DDX19A: variants seen among roughly 807,000 people sequenced by gnomAD.
DDX19A encodes ATP-dependent RNA helicase DDX19A.
A neutral mutation model predicts 60.6 loss-of-function variants in DDX19A; 12 were observed. That is an observed-to-expected ratio of 0.20 (90% CI 0.13 to 0.32). DDX19A has a LOEUF of 0.32. Among genes scored for constraint, DDX19A ranks in the 10% least tolerant of loss-of-function variants. DDX19A has a pLI of 1.00. For synonymous variants in DDX19A, 206 were observed against 218.2 expected, an observed-to-expected ratio of 0.94 and a Z score of 0.49; for missense variants, 337 against 600.6, an observed-to-expected ratio of 0.56 and a Z score of 4.59.
chr16:70,357,366 GTTTTTTTTTTTTTTTTTTTTTTTTTTT>G (rs71151183), intron 4 of DDX19A, among the ~76,000 whole-genome samples: 2 of 44,580 alleles, frequency 4.5e-5, no homozygotes, highest in South Asian at 2.0e-3. Flanking sequence ...TTTTTGGTTT[GTTTTTTTTTTTTTTTTTTTTTTTTTTT>G]TTTTTTTTTG....
chr16:70,351,529 A>T (rs1395349516), intron 2 of DDX19A, among the ~76,000 whole-genome samples: 1 of 149,792 alleles, frequency 6.7e-6, no homozygotes, highest in African/African-American at 2.5e-5. Context: ...TTATTTATTT[A>T]TTTTTATTTT....
In DDX19A at chr16:70,371,965, G is replaced by C. The variant is rs2047277682; in HGVS notation, c.1416G>C (p.Glu472Asp). The change falls in exon 12 of 12, where the codon GAG (glutamate) becomes GAC (aspartate). Residue 472 changes from glutamate (E) to aspartate (D), a missense_variant. Glu to Asp is a conservative substitution (Grantham distance 45). This residue lies in a region of DDX19A where 29 missense variants were observed against 51.2 expected (regional missense o/e 0.57). Coordinates refer to ENST00000302243, the MANE Select transcript of DDX19A (RefSeq NM_018332.5). Reference protein sequence around the residue: ...IERLDTDDLDEIEKIAN With the variant: ...IERLDTDDLDDIEKIAN ...GATTGGACACAGATGATTTGGACGA[G>C]ATTGAGAAAATAGCCAACTGAGAAG... The C allele has an allele frequency of 1.2e-6, 2 of 1,614,020 alleles. No individual in the cohort carries two copies. The highest frequency in any genetic ancestry group is 8.5e-7 in the Non-Finnish European group (1 of 1,179,882).
chr16:70,349,839 C>G (rs1377871333), intron 1 of DDX19A, among the ~76,000 whole-genome samples: 1 of 152,194 alleles, frequency 6.6e-6, no homozygotes, highest in Non-Finnish European at 1.5e-5. Flanking sequence ...GTATCTGGTT[C>G]TAAGCATCCA....
intron 1 of DDX19A, among the ~76,000 whole-genome samples, chr16:70,349,074 C>G (rs1963936442): frequency 1.3e-5 from 2 of 152,106 alleles, no homozygotes; most frequent in African/African-American, 4.8e-5. Context: ...TAGGAGAACT[C>G]ACAGGCTCAG....
At position 70,366,154 on chromosome 16, in the gene DDX19A, C is replaced by T. The variant is rs1337216774; in HGVS notation, c.674C>T (p.Ser225Phe). 6.2e-7 allele frequency: 1 copy of T among 1,614,142 alleles called. No homozygotes were observed. Residue 225 changes from serine to phenylalanine, a missense_variant, in exon 8 of 12, where the codon TCC becomes TTC. Ser to Phe is a radical substitution (Grantham distance 155). This residue lies in a region of DDX19A where 117 missense variants were observed against 274.3 expected (regional missense o/e 0.43). Transcript: ENST00000302243. ...CCTGGGACCGTGCTGGACTGGTGCT[C>T]CAAGCTCAAGTTCATTGATCCCAAG... ...GTPGTVLDWC[S>F]KLKFIDPKKI...
intron 1 of DDX19A, 60 bp downstream of exon 1, chr16:70,347,108 A>C: frequency 5.2e-6 from 8 of 1,525,290 alleles, no homozygotes; most frequent in South Asian, 1.2e-5. Flanking sequence ...AACCTCCCAA[A>C]AGCACAGGGA....
chr16:70,371,159 C>G (rs7203761), intron 10 of DDX19A: 7 of 782,720 alleles, frequency 8.9e-6, no homozygotes, highest in East Asian at 5.4e-5. Flanking sequence ...ACCGACTGAT[C>G]TCATGATTTT....
In DDX19A at chr16:70,372,889, A is replaced by AT. The variant is rs2047299492; in HGVS notation, c.*906dup. On this transcript the variant is annotated 3_prime_UTR_variant, in exon 12 of 12. Transcript: ENST00000302243. Reference sequence around the variant, plus strand: ...TATGACCAAGGGAATTATGCTGTTCATTTATAATAGTGGACATTATGGAGA... The same window carrying AT: ...TATGACCAAGGGAATTATGCTGTTCATTTTATAATAGTGGACATTATGGAGA... 1 of 152,252 alleles carries AT rather than the reference A, an allele frequency of 6.6e-6. No homozygotes were observed. The highest frequency in any genetic ancestry group is 1.9e-4 in the East Asian group (1 of 5,200). 9.4% of individuals were successfully genotyped at this position (152,252 alleles called of 1,614,324 possible).
chr16:70,368,985 G>C (rs1337167929), intron 9 of DDX19A, among the ~76,000 whole-genome samples: 1 of 151,692 alleles, frequency 6.6e-6, no homozygotes, highest in Non-Finnish European at 1.5e-5. Context: ...TCCTGCCTCA[G>C]CCTTCCCGGG....
rs111798739 is a variant in DDX19A at position 70,372,078 on chromosome 16, G to A, written c.*92G>A. The A allele has an allele frequency of 0.015, 24,278 of 1,589,130 alleles. 295 individuals carry two copies. The highest frequency in any genetic ancestry group is 0.042 in the Admixed American group (2,487 of 59,334). ...GCACAGGCCCCGACATCACCCCAAGGACAACGGCAGAAGTAGAGAGAAACT... is the reference window on the plus strand; with the variant it reads ...GCACAGGCCCCGACATCACCCCAAGAACAACGGCAGAAGTAGAGAGAAACT... On this transcript the variant is annotated 3_prime_UTR_variant, in exon 12 of 12. Transcript: ENST00000302243.
At chr16:70,355,799 A>AT (rs1484727274) in intron 3 of DDX19A, 1 of 571,992 alleles carries the variant, frequency 1.7e-6, no homozygotes, top group Admixed American at 3.0e-5. Flanking sequence ...CCATCTCTAC[A>AT]AAAGATTTCA....
At chr16:70,357,717 A>C (rs1964255611) in intron 4 of DDX19A, among the ~76,000 whole-genome samples, 1 of 152,048 alleles carries the variant, frequency 6.6e-6, no homozygotes, top group African/African-American at 2.4e-5. Context: ...AAATTAATAG[A>C]GGATTAAGTG....
At chr16:70,370,155 A>G in intron 9 of DDX19A, 68 bp from the exon 10 acceptor site, 1 of 1,532,176 alleles carries the variant, frequency 6.5e-7, no homozygotes, top group Non-Finnish European at 8.8e-7. Flanking sequence ...TGACAGCAAG[A>G]CTGTGTCTCA....
intron 8 of DDX19A, 127 bp from the exon 9 acceptor site, chr16:70,366,497 C>G: frequency 7.3e-7 from 1 of 1,365,694 alleles, no homozygotes; most frequent in Non-Finnish European, 1.0e-6. Flanking sequence ...GCCTGCTGCT[C>G]CTCCTCCCCA....
At chr16:70,356,449 C>T (rs566146547) in intron 4 of DDX19A, among the ~76,000 whole-genome samples, 37 of 152,022 alleles carry the variant, frequency 2.4e-4, no homozygotes, top group African/African-American at 1.9e-4. Flanking sequence ...CTCTGCCTCC[C>T]GGGTTCAAGC....
chr16:70,347,112 A>C, intron 1 of DDX19A, 64 bp downstream of exon 1: 1 of 1,521,994 alleles, frequency 6.6e-7, no homozygotes, highest in East Asian at 2.3e-5. Context: ...TCCCAAAAGC[A>C]CAGGGAGCTC....
At position 70,357,366 on chromosome 16, in the gene DDX19A, G is replaced by GTTTTTGTTT; in HGVS notation, c.293+1124_293+1125insGTTTTTTTT. ...AATCTGTCAAATCTGTTTTTGGTTT[G>GTTTTTGTTT]TTTTTTTTTTTTTTTTTTTTTTTTT... is the stretch of plus-strand genomic sequence containing the variant. On this transcript the variant is annotated intron_variant, in intron 4 of 11. Transcript: ENST00000302243. 4.5e-5 allele frequency among the ~76,000 whole-genome samples: 2 copies of GTTTTTGTTT among 44,596 alleles called. 1 individual carries two copies. The highest frequency in any genetic ancestry group is 1.8e-4 in the African/African-American group (2 of 11,250). 29.3% of individuals were successfully genotyped at this position (44,596 alleles called of 152,430 possible). A position where few individuals can be genotyped will look rare whatever the true frequency, so the allele number is the denominator to read the frequency against.
intron 4 of DDX19A, among the ~76,000 whole-genome samples, chr16:70,357,509 C>T (rs138070541): frequency 7.3e-5 from 11 of 150,124 alleles, no homozygotes; most frequent in East Asian, 2.0e-4. Context: ...CTTAGCCTCC[C>T]GAGTTAGCTG....
In DDX19A at chr16:70,366,258, C is replaced by T. The variant is rs1392654563; in HGVS notation, c.778C>T (p.Gln260Ter). 6.2e-7 allele frequency: 1 copy of T among 1,613,988 alleles called. No homozygotes were observed. Among genetic ancestry groups the T allele is most frequent in the South Asian group, 1.1e-5 (1 of 91,080 alleles). Reference sequence around the variant, plus strand: ...CCACCAAGATCAGAGCATCCGCATCCAGAGGTAGGGATCTCGAGGGTGGGG... The same window carrying T: ...CCACCAAGATCAGAGCATCCGCATCTAGAGGTAGGGATCTCGAGGGTGGGG... ...QGHQDQSIRIQRMLPRNCQML... is the reference protein window; with the variant it reads ...QGHQDQSIRI Residue 260 changes from glutamine to a stop codon, truncating the protein, a stop_gained, in exon 8 of 12, where the codon CAG (glutamine) becomes TAG (stop). Transcript: ENST00000302243. LOFTEE classifies it high-confidence loss of function.
Sources: gnomAD v4.1 joint callset for allele counts (sites outside exome capture counted in the v4.1 genomes callset) on GRCh38, gnomAD v4.1.1 for gene constraint, gnomAD v4.1.1 regional missense constraint, MANE v1.5 for transcripts, NCBI Gene and HGNC (gene_info 2026-07-23, HGNC 2026-07-21) for gene names.